Variants in PIEZO2 observed in about 807,000 individuals in gnomAD.
PIEZO2 encodes piezo type mechanosensitive ion channel component 2, also known as piezo-type mechanosensitive ion channel component 2.
PIEZO2 carries 172 observed loss-of-function variants against 337.3 expected under a neutral mutation model. The ratio of observed to expected loss-of-function variants is 0.51; its 90% CI spans 0.45 to 0.58. The LOEUF is 0.58. Among genes scored for constraint, PIEZO2 ranks in the 20% least tolerant of loss-of-function variants. The probability of loss-of-function intolerance (pLI) is 0.00; values close to 1 mark genes in which losing one functional copy is unlikely to be tolerated. For synonymous variants in PIEZO2, 1,251 were observed against 1,228.5 expected (o/e 1.02, Z -0.38); for missense variants, 3,028 against 3,391.3 (o/e 0.89, Z 2.66).
At chr18:10,786,678 A>C (rs2039235750) in intron 16 of PIEZO2, among the ~76,000 whole-genome samples, 1 of 152,220 alleles carries the variant, frequency 6.6e-6, no homozygotes, top group South Asian at 2.1e-4. Context: ...CAGCAACATA[A>C]ATGAGCAAAG....
At chr18:11,136,019 C>T (rs1487783421) in intron 1 of PIEZO2, among the ~76,000 whole-genome samples, 3 of 152,218 alleles carry the variant, frequency 2.0e-5, no homozygotes, top group Non-Finnish European at 4.4e-5. Flanking sequence ...TACATCCTTA[C>T]TCTAAAGATA....
At chr18:11,091,170 G>A (rs1489685788) in intron 1 of PIEZO2, among the ~76,000 whole-genome samples, 1 of 151,972 alleles carries the variant, frequency 6.6e-6, no homozygotes, top group East Asian at 1.9e-4. Flanking sequence ...CGGATCACGA[G>A]GTCAGGAGTT....
At chr18:11,089,318 G>T (rs1202075140) in intron 1 of PIEZO2, among the ~76,000 whole-genome samples, 1 of 152,200 alleles carries the variant, frequency 6.6e-6, no homozygotes, top group Admixed American at 6.5e-5. Flanking sequence ...CTTAAAACCT[G>T]TTGCTGAATT....
rs1260662281 is a variant in PIEZO2 at position 10,813,243 on chromosome 18, T to C, written c.918-5969A>G. 6.6e-6 allele frequency among the ~76,000 whole-genome samples: 1 copy of C among 152,226 alleles called. No homozygotes were observed. The highest frequency in any genetic ancestry group is 1.5e-5 in the Non-Finnish European group (1 of 68,040). ...ATTTGCCCGCCTGGGCCTCCCAAAG[T>C]GCTGGCATTACAGGAGTGAGCCACC... On this transcript the variant is annotated intron_variant, in intron 7 of 55. Coordinates refer to ENST00000674853, the MANE Select transcript of PIEZO2 (RefSeq NM_001378183.1). The surrounding 1 kb of genome is among the most constrained non-coding windows in gnomAD (Gnocchi z 4.2).
chr18:10,731,203 A>T lies in PIEZO2; in HGVS notation c.5029+204T>A, dbSNP rs1353985613. On this transcript the variant is annotated intron_variant, in intron 36 of 55. Coordinates refer to ENST00000674853, the MANE Select transcript of PIEZO2 (RefSeq NM_001378183.1). ...TATATATATATATATATATATATATATATATATATATATATCTCCTAACTT... is the reference window on the plus strand; with the variant it reads ...TATATATATATATATATATATATATTTATATATATATATATCTCCTAACTT... Among the ~76,000 whole-genome samples, 6 of 64,146 alleles carry T rather than the reference A, an allele frequency of 9.4e-5. 1 individual carries two copies. The highest frequency in any genetic ancestry group is 1.5e-4 in the Non-Finnish European group (5 of 33,842). The allele number at this position is 64,146 out of a possible 152,430, so 42.1% of individuals were successfully genotyped here.
intron 49 of PIEZO2, among the ~76,000 whole-genome samples, chr18:10,683,687 A>G (rs776160242): frequency 3.9e-5 from 6 of 152,236 alleles, no homozygotes; most frequent in Non-Finnish European, 7.3e-5. Context: ...AAACAAGTGT[A>G]TAGATTTGCT....
intron 1 of PIEZO2, among the ~76,000 whole-genome samples, chr18:11,124,165 A>T (rs73400586): frequency 0.037 from 5,561 of 152,314 alleles, 349 homozygotes; most frequent in African/African-American, 0.13. Context: ...TGAATGAATG[A>T]ATGAGCAAAA....
chr18:10,731,484 G>T lies in PIEZO2; in HGVS notation c.4952C>A (p.Ala1651Glu), dbSNP rs375695200. The change falls in exon 36 of 56, where the codon GCA (alanine) becomes GAA (glutamate). Residue 1651 changes from alanine to glutamate, a missense_variant. Around this residue, in one of 5 missense-constraint regions of PIEZO2, gnomAD observed 1,925 missense variants for 2,051.9 expected, o/e 0.94. Coordinates refer to ENST00000674853, the MANE Select transcript of PIEZO2 (RefSeq NM_001378183.1). ...YQAWITDPKT[A>E]LRQRHKEKKR... Reference sequence around the variant, plus strand: ...TTTCTCTTTGTGTCTTTGTCGGAGTGCTGTTTTAGGATCAGTAATCCAGGC... The same window carrying T: ...TTTCTCTTTGTGTCTTTGTCGGAGTTCTGTTTTAGGATCAGTAATCCAGGC... 2.6e-6 allele frequency: 4 copies of T among 1,533,976 alleles called. No individual in the cohort carries two copies. The highest frequency in any genetic ancestry group is 1.7e-6 in the Non-Finnish European group (2 of 1,145,354).
At chr18:10,869,074 G>A (rs1398929300) in intron 5 of PIEZO2, among the ~76,000 whole-genome samples, 2 of 152,176 alleles carry the variant, frequency 1.3e-5, no homozygotes, top group Non-Finnish European at 2.9e-5. Flanking sequence ...ATTGGAGAAG[G>A]ACAAAATGAG....
Position 11,126,994 on chromosome 18 carries a change from G to C in PIEZO2, c.64+21531C>G, listed in dbSNP as rs925516557. On this transcript the variant is annotated intron_variant, in intron 1 of 55. Coordinates refer to ENST00000674853, the MANE Select transcript of PIEZO2 (RefSeq NM_001378183.1). This position sits in a 1 kb window ranked among gnomAD's most constrained non-coding sequence, Gnocchi z 4.6. Reference sequence around the variant, plus strand: ...GGCCAGGCCCTACCCAAGACACTGTGGGTACAGCAGGGAATAAGACAGAGA... The same window carrying C: ...GGCCAGGCCCTACCCAAGACACTGTCGGTACAGCAGGGAATAAGACAGAGA... Among the ~76,000 whole-genome samples the C allele has an allele frequency of 6.6e-6, 1 of 152,178 alleles. No homozygotes were observed. Among genetic ancestry groups the C allele is most frequent in the African/African-American group, 2.4e-5 (1 of 41,436 alleles).
In PIEZO2 at chr18:11,032,005, A is replaced by G. The variant is rs2036757330; in HGVS notation, c.160+34122T>C. Among the ~76,000 whole-genome samples, 1 of 152,158 alleles carries G rather than the reference A, an allele frequency of 6.6e-6. No homozygotes were observed. Among genetic ancestry groups the G allele is most frequent in the South Asian group, 2.1e-4 (1 of 4,816 alleles). On this transcript the variant is annotated intron_variant, in intron 2 of 55. Transcript: ENST00000674853. The surrounding 1 kb of genome is among the most constrained non-coding windows in gnomAD (Gnocchi z 4.9). Reference sequence around the variant, plus strand: ...CTCTCACACACATACGCATACACACAGATATTTACTGCTGATTCCAATGAC... The same window carrying G: ...CTCTCACACACATACGCATACACACGGATATTTACTGCTGATTCCAATGAC...
At position 10,861,537 on chromosome 18, in the gene PIEZO2, T is replaced by C. The variant is rs1356231156; in HGVS notation, c.493-4326A>G. Among the ~76,000 whole-genome samples, 1 of 151,952 alleles carries C rather than the reference T, an allele frequency of 6.6e-6. No homozygotes were observed. Among genetic ancestry groups the C allele is most frequent in the African/African-American group, 2.4e-5 (1 of 41,336 alleles). ...AATACGGCATGATCTCACTTATACG[T>C]GGAATCTAAAGAAGTTGCACTGATA... is the stretch of plus-strand genomic sequence containing the variant. On this transcript the variant is annotated intron_variant, in intron 5 of 55. Transcript: ENST00000674853. The surrounding 1 kb of genome is among the most constrained non-coding windows in gnomAD (Gnocchi z 4.3).
intron 1 of PIEZO2, among the ~76,000 whole-genome samples, chr18:11,147,952 T>TAACA (rs1469532726): frequency 1.3e-5 from 2 of 152,228 alleles, no homozygotes; most frequent in Non-Finnish European, 2.9e-5. Context: ...AGTACTTTTG[T>TAACA]AGTAGGGGCT....
chr18:10,700,812 TGTAA>T (rs1186306745), intron 43 of PIEZO2, among the ~76,000 whole-genome samples: 3 of 152,244 alleles, frequency 2.0e-5, no homozygotes, highest in Non-Finnish European at 2.9e-5. Flanking sequence ...ACAGAAGAAC[TGTAA>T]GATTTAGGCA....
In PIEZO2 at chr18:10,676,722, G is replaced by T. The variant is rs2034020727; in HGVS notation, c.8081+1025C>A. 6.6e-6 allele frequency among the ~76,000 whole-genome samples: 1 copy of T among 152,230 alleles called. No homozygotes were observed. Among genetic ancestry groups the T allele is most frequent in the African/African-American group, 2.4e-5 (1 of 41,452 alleles). ...GCCAGGTGGACAGAGAGTGGGAGGA[G>T]AATGTGCTTGACACTAGTGGCTCCC... On this transcript the variant is annotated intron_variant, in intron 53 of 55. Transcript: ENST00000674853. The surrounding 1 kb of genome is among the most constrained non-coding windows in gnomAD (Gnocchi z 5.1).
intron 5 of PIEZO2, among the ~76,000 whole-genome samples, chr18:10,864,332 C>A (rs1031791525): frequency 6.6e-6 from 1 of 152,036 alleles, no homozygotes; most frequent in Non-Finnish European, 1.5e-5. Context: ...CCACATGGGA[C>A]CCCAGTGGTT....
rs940610363 is a variant in PIEZO2, at chr18:10,682,663, ATACTT to A, written c.7498-376_7498-372del. On this transcript the variant is annotated intron_variant, in intron 49 of 55. Transcript: ENST00000674853. This position sits in a 1 kb window ranked among gnomAD's most constrained non-coding sequence, Gnocchi z 5.6. ...TTTTAAGGGATTATGTGAGAGAAAG[ATACTT>A]TACTTTCAATTCCTGAATATTTAAA... is the stretch of plus-strand genomic sequence containing the variant. Among the ~76,000 whole-genome samples, 3 of 152,178 alleles carry A rather than the reference ATACTT, an allele frequency of 2.0e-5. No individual in the cohort carries two copies. Among genetic ancestry groups the A allele is most frequent in the African/African-American group, 7.2e-5 (3 of 41,428 alleles).
rs1202239467 is a variant in PIEZO2, at chr18:11,070,856, AG to A, written c.65-4635del. Reference sequence around the variant, plus strand: ...TGCTGGGCATCAGGGACTAGGGCGCAGTCCAGGCTGAGGGGACACATCAGGA... The same window carrying A: ...TGCTGGGCATCAGGGACTAGGGCGCATCCAGGCTGAGGGGACACATCAGGA... On this transcript the variant is annotated intron_variant, in intron 1 of 55. Transcript: ENST00000674853. The surrounding 1 kb of genome is among the most constrained non-coding windows in gnomAD (Gnocchi z 4.3). Among the ~76,000 whole-genome samples, 3 of 152,172 alleles carry A rather than the reference AG, an allele frequency of 2.0e-5. No individual in the cohort carries two copies. The highest frequency in any genetic ancestry group is 4.4e-5 in the Non-Finnish European group (3 of 68,026).
intron 31 of PIEZO2, 67 bp downstream of exon 31, chr18:10,744,075 A>G: frequency 8.7e-7 from 1 of 1,154,086 alleles, no homozygotes; most frequent in Non-Finnish European, 1.2e-6. Flanking sequence ...CCAACAGTGG[A>G]GCACCAGCTG....
Sources: allele counts gnomAD v4.1 joint callset (sites outside exome capture counted in the v4.1 genomes callset), GRCh38; gene constraint gnomAD v4.1.1; regional missense constraint gnomAD v4.1.1; non-coding constraint Gnocchi (gnomAD v3.1); transcripts MANE v1.5; gene names NCBI Gene and HGNC (gene_info 2026-07-23, HGNC 2026-07-21).